Variants in VASP observed in about 807,000 individuals in gnomAD.
The protein encoded by VASP is vasodilator stimulated phosphoprotein, also known as vasodilator-stimulated phosphoprotein.
Under a neutral mutation model 54.4 loss-of-function variants are expected in VASP, and 27 were observed. The ratio of observed to expected loss-of-function variants is 0.50; its 90% CI spans 0.37 to 0.68. VASP has a LOEUF of 0.68. Ranked by LOEUF, VASP falls within the 30% of genes least tolerant of loss-of-function variation. The probability of loss-of-function intolerance (pLI) is 0.00; values close to 1 mark genes in which losing one functional copy is unlikely to be tolerated. For synonymous variants in VASP, 233 were observed against 209.8 expected (o/e 1.11, Z -0.96); for missense variants, 488 against 528.3 (o/e 0.92, Z 0.75).
chr19:45,523,283 A>G (rs1427647777), intron 7 of VASP, among the ~76,000 whole-genome samples: 2 of 134,662 alleles, frequency 1.5e-5, no homozygotes, highest in Admixed American at 8.5e-5. Context: ...GTCCACTGCA[A>G]CCTCCGCCTC....
chr19:45,522,487 C>T lies in VASP; in HGVS notation c.626C>T (p.Pro209Leu). The T allele has an allele frequency of 4.8e-6, 7 of 1,468,834 alleles. No individual in the cohort carries two copies. The highest frequency in any genetic ancestry group is 6.3e-6 in the Non-Finnish European group (7 of 1,113,110). The allele number at this position is 1,468,834 out of a possible 1,614,324, so 91.0% of individuals were successfully genotyped here. The change falls in exon 6 of 13, where the codon CCT (proline) becomes CTT (leucine). Residue 209 changes from proline to leucine, a missense_variant. Physicochemically the swap from Pro to Leu is moderately conservative, Grantham distance 98 (BLOSUM62 -3). Coordinates refer to ENST00000245932, the MANE Select transcript of VASP (RefSeq NM_003370.4). ...GAGGGPPPAP[P>L]LPAAQGPGGG... ...GGGGGAGGACCACCCCCTGCACCCC[C>T]TCTCCCGGCAGCACAGGGCCCTGGT...
Position 45,507,709 on chromosome 19 carries a change from T to A in VASP, c.-63T>A. ...GGAGCCAGCCCCGAACCCCTGAACCTCCAGCCAGGGGCGCCCCGGGAGCAG... is the reference window on the plus strand; with the variant it reads ...GGAGCCAGCCCCGAACCCCTGAACCACCAGCCAGGGGCGCCCCGGGAGCAG... On this transcript the variant is annotated 5_prime_UTR_variant, in exon 1 of 13. Coordinates refer to ENST00000245932, the MANE Select transcript of VASP (RefSeq NM_003370.4). The surrounding 1 kb of genome is among the most constrained non-coding windows in gnomAD (Gnocchi z 4.4). The A allele has an allele frequency of 6.6e-7, 1 of 1,512,364 alleles. No homozygotes were observed. Among genetic ancestry groups the A allele is most frequent in the East Asian group, 2.7e-5 (1 of 37,482 alleles). The allele number at this position is 1,512,364 out of a possible 1,614,324, so 93.7% of individuals were successfully genotyped here.
chr19:45,523,874 A>G lies in VASP; in HGVS notation c.907A>G (p.Ser303Gly), dbSNP rs368220122. The change falls in exon 9 of 13, where the codon AGT becomes GGT. Residue 303 changes from serine (S) to glycine (G), a missense_variant. By Grantham distance (56) the Ser-to-Gly change is moderately conservative (BLOSUM62 0). Transcript: ENST00000245932. ...GCCAGAGGCCAGAGTCCCGGCCCAGAGTGGTGAGTAGAGTGCCCAGTCCAG... is the reference window on the plus strand; with the variant it reads ...GCCAGAGGCCAGAGTCCCGGCCCAGGGTGGTGAGTAGAGTGCCCAGTCCAG... ...EEPEARVPAQ[S>G]ESVRRPWEKN... The G allele has an allele frequency of 1.2e-5, 20 of 1,613,640 alleles. No individual in the cohort carries two copies. The African/African-American group carries it at 1.9e-4, about 15-fold the overall frequency.
intron 1 of VASP, among the ~76,000 whole-genome samples, chr19:45,515,577 C>T (rs1412184456): frequency 6.6e-6 from 1 of 152,126 alleles, no homozygotes; most frequent in African/African-American, 2.4e-5. Context: ...CACTCTGTCG[C>T]CCAGGCTGGA....
chr19:45,521,257 G>A (rs567426740), intron 3 of VASP, 65 bp from the exon 4 acceptor site: 2 of 1,467,116 alleles, frequency 1.4e-6, no homozygotes, highest in Non-Finnish European at 1.9e-6. Flanking sequence ...GGAGAGCAAG[G>A]GAAGCGCCAA....
Position 45,521,369 on chromosome 19 carries a change from A to G in VASP, c.391A>G (p.Asn131Asp). Residue 131 changes from asparagine (N) to aspartate (D), a missense_variant, in exon 4 of 13, where the codon AAC becomes GAC. Physicochemically the swap from Asn to Asp is conservative, Grantham distance 23. Around this residue, in one of 4 missense-constraint regions of VASP, gnomAD observed 226 missense variants for 196.0 expected, o/e 1.15. Coordinates refer to ENST00000245932, the MANE Select transcript of VASP (RefSeq NM_003370.4). ...PPALPTWSVP[N>D]GPSPEEVEQQ... ...AGCACTTCCCACCTGGTCGGTCCCGAACGGCCCCTCCCCGGAGGAGGTGGA... is the reference window on the plus strand; with the variant it reads ...AGCACTTCCCACCTGGTCGGTCCCGGACGGCCCCTCCCCGGAGGAGGTGGA... 6.3e-7 allele frequency: 1 copy of G among 1,582,608 alleles called. No homozygotes were observed. Among genetic ancestry groups the G allele is most frequent in the Non-Finnish European group, 8.6e-7 (1 of 1,164,410 alleles).
At chr19:45,523,950 C>T (rs1447085308) in intron 9 of VASP, 73 bp downstream of exon 9, 4 of 1,610,128 alleles carry the variant, frequency 2.5e-6, no homozygotes, top group South Asian at 2.2e-5. Context: ...GTTAAGCACC[C>T]TTATAGGAGA....
chr19:45,517,906 AC>A, intron 2 of VASP, 22 bp from the exon 3 acceptor site: 1 of 1,183,982 alleles, frequency 8.4e-7, no homozygotes, highest in Non-Finnish European at 1.1e-6. Flanking sequence ...GCCGCCCCTC[AC>A]CCCCCTTTCC....
At position 45,518,064 on chromosome 19, in the gene VASP, G is replaced by A. The variant is rs148436678; in HGVS notation, c.313G>A (p.Gly105Ser). The A allele has an allele frequency of 7.9e-5, 127 of 1,613,734 alleles. No homozygotes were observed. The African/African-American group carries it at 1.2e-3, about 15-fold the overall frequency. ...SKEDAAQFAA[G>S]MASALEALEG... ...GGAGGATGCGGCCCAGTTTGCCGCC[G>A]GCATGGCCAGTGCCCTAGAGGCGTT... Residue 105 changes from glycine (G) to serine (S), a missense_variant, in exon 3 of 13, where the codon GGC becomes AGC. By Grantham distance (56) the Gly-to-Ser change is moderately conservative (BLOSUM62 0). This residue lies in a region of VASP where 127 missense variants were observed against 170.7 expected (regional missense o/e 0.74). Transcript: ENST00000245932.
At chr19:45,522,099 GTCGCTGGCCCCT>G (rs371421464) in intron 4 of VASP, 57 bp from the exon 5 acceptor site, 1 of 1,604,316 alleles carries the variant, frequency 6.2e-7, no homozygotes, top group South Asian at 1.1e-5. Context: ...GAGGACGGAG[GTCGCTGGCCCCT>G]TCGCTGGCCA....
At chr19:45,522,658 T>C (rs982922944) in intron 6 of VASP, 60 bp from the exon 7 acceptor site, 5 of 1,575,270 alleles carry the variant, frequency 3.2e-6, no homozygotes, top group African/African-American at 1.4e-5. Context: ...GGCGGTGTCA[T>C]TGGGCTGGAA....
In VASP at chr19:45,507,692, C is replaced by T. The variant is rs1968513896; in HGVS notation, c.-80C>T. On this transcript the variant is annotated 5_prime_UTR_variant, in exon 1 of 13. Coordinates refer to ENST00000245932, the MANE Select transcript of VASP (RefSeq NM_003370.4). This position sits in a 1 kb window ranked among gnomAD's most constrained non-coding sequence, Gnocchi z 4.4. Reference sequence around the variant, plus strand: ...GAGCCTGAGCCGAGCCCGGAGCCAGCCCCGAACCCCTGAACCTCCAGCCAG... The same window carrying T: ...GAGCCTGAGCCGAGCCCGGAGCCAGTCCCGAACCCCTGAACCTCCAGCCAG... 6.6e-7 allele frequency: 1 copy of T among 1,505,166 alleles called. No individual in the cohort carries two copies. The highest frequency in any genetic ancestry group is 2.7e-5 in the East Asian group (1 of 37,522). 93.2% of individuals were successfully genotyped at this position (1,505,166 alleles called of 1,614,324 possible). A position where few individuals can be genotyped will look rare whatever the true frequency, so the allele number is the denominator to read the frequency against.
chr19:45,517,712 G>C lies in VASP; in HGVS notation c.55G>C (p.Gly19Arg), dbSNP rs745423156. The C allele has an allele frequency of 6.2e-7, 1 of 1,612,592 alleles. No individual in the cohort carries two copies. The highest frequency in any genetic ancestry group is 8.5e-7 in the Non-Finnish European group (1 of 1,180,022). Residue 19 changes from glycine to arginine, a missense_variant, in exon 2 of 13, where the codon GGC becomes CGC. By Grantham distance (125) the Gly-to-Arg change is moderately radical. Coordinates refer to ENST00000245932, the MANE Select transcript of VASP (RefSeq NM_003370.4). Reference protein sequence around the residue: ...SRATVMLYDDGNKRWLPAGTG... With the variant: ...SRATVMLYDDRNKRWLPAGTG... ...GGCCACTGTGATGCTTTATGATGAT[G>C]GCAACAAGCGATGGCTCCCTGCTGG...
rs760636004 is a variant in VASP at position 45,522,699 on chromosome 19, C to T, written c.721-19C>T. 2 of 1,604,830 alleles carry T rather than the reference C, an allele frequency of 1.2e-6. No individual in the cohort carries two copies. The highest frequency in any genetic ancestry group is 1.8e-5 in the Admixed American group (1 of 56,756). ...AAAGGCCTGCCCCTAAAGCTCCTGC[C>T]CCTTTTAAATTTCTCCAGCAGGAGG... On this transcript the variant is annotated intron_variant, in intron 6 of 12. Coordinates refer to ENST00000245932, the MANE Select transcript of VASP (RefSeq NM_003370.4).
At chr19:45,524,805 T>A (rs1038653544) in intron 11 of VASP, 145 bp downstream of exon 11, 1 of 730,750 alleles carries the variant, frequency 1.4e-6, no homozygotes, top group Non-Finnish European at 2.3e-6. Flanking sequence ...GGGTCAAGGA[T>A]GACCGAGACT....
At chr19:45,508,204 G>A (rs1265421259) in intron 1 of VASP, among the ~76,000 whole-genome samples, 1 of 152,146 alleles carries the variant, frequency 6.6e-6, no homozygotes, top group Non-Finnish European at 1.5e-5. Flanking sequence ...TTGGAAGAGA[G>A]ACTGAGACTC....
At chr19:45,524,237 C>G in intron 10 of VASP, 95 bp downstream of exon 10, 1 of 1,417,160 alleles carries the variant, frequency 7.1e-7, no homozygotes, top group Non-Finnish European at 9.9e-7. Context: ...ATGGCGACAC[C>G]CCATCTCTAC....
Position 45,522,371 on chromosome 19 carries a change from A to G in VASP, c.510A>G (p.Pro170=). 1 of 1,543,704 alleles carries G rather than the reference A, an allele frequency of 6.5e-7. No individual in the cohort carries two copies. Among genetic ancestry groups the G allele is most frequent in the Non-Finnish European group, 8.8e-7 (1 of 1,141,400 alleles). The change falls in exon 6 of 13, where the codon CCA becomes CCG. Residue 170 remains proline (P), a synonymous_variant. Transcript: ENST00000245932. ...GGPPAPPAGG[P]PPPPGPPPPP... ...CACCTGCTCCCCCCGCTGGGGGTCC[A>G]CCCCCACCACCAGGACCTCCCCCTC...
In VASP at chr19:45,522,557, A is replaced by G. The variant is rs1370495331; in HGVS notation, c.696A>G (p.Gly232=). Residue 232 remains glycine, a synonymous_variant, in exon 6 of 13, where the codon GGA becomes GGG. Coordinates refer to ENST00000245932, the MANE Select transcript of VASP (RefSeq NM_003370.4). ...CAGGCCTGGCCGCAGCTATTGCTGG[A>G]GCCAAACTCAGGAAAGTCAGCAAGG... is the stretch of plus-strand genomic sequence containing the variant. ...GAPGLAAAIA[G]AKLRKVSKQE... is the part of the protein sequence containing the mutation. 4.8e-6 allele frequency: 7 copies of G among 1,460,268 alleles called. No homozygotes were observed. In the East Asian group the frequency reaches 1.5e-4, roughly 30 times the overall value. The allele number at this position is 1,460,268 out of a possible 1,614,324, so 90.5% of individuals were successfully genotyped here. A position where few individuals can be genotyped will look rare whatever the true frequency, so the allele number is the denominator to read the frequency against.
Sources: allele counts gnomAD v4.1 joint callset (sites outside exome capture counted in the v4.1 genomes callset), GRCh38; gene constraint gnomAD v4.1.1; regional missense constraint gnomAD v4.1.1; non-coding constraint Gnocchi (gnomAD v3.1); transcripts MANE v1.5; gene names NCBI Gene and HGNC (gene_info 2026-07-23, HGNC 2026-07-21).